ATG4A: variants seen among roughly 807,000 people sequenced by gnomAD.
The protein encoded by ATG4A is cysteine protease ATG4A.
Under a neutral mutation model 38.4 loss-of-function variants are expected in ATG4A, and 22 were observed. That is an observed-to-expected ratio of 0.57 (90% CI 0.41 to 0.82). The LOEUF is 0.82. ATG4A is among the 40% of genes least tolerant of loss of function. The pLI, the probability that ATG4A is intolerant of heterozygous loss-of-function variation, is 0.00. For synonymous variants in ATG4A, 86 were observed against 100.7 expected, an observed-to-expected ratio of 0.85 and a Z score of 0.88; for missense variants, 220 against 290.0, an observed-to-expected ratio of 0.76 and a Z score of 1.75.
intron 1 of ATG4A, among the ~76,000 whole-genome samples, chrX:108,117,400 A>G (rs2032538441): frequency 8.9e-6 from 1 of 112,133 alleles, no homozygotes. Flanking sequence ...GATGTTTAGA[A>G]GAAGGAGCAA....
chrX:108,135,834 G>C (rs1470257086), intron 6 of ATG4A, among the ~76,000 whole-genome samples: 2 of 107,630 alleles, frequency 1.9e-5, no homozygotes, highest in Non-Finnish European at 3.8e-5. Context: ...GCCCAGGCTG[G>C]AGTGCAGTGG....
At chrX:108,152,011 G>T in intron 11 of ATG4A, 153 bp downstream of exon 11, 1 of 531,640 alleles carries the variant, frequency 1.9e-6, no homozygotes. Flanking sequence ...ATCAGGTGTG[G>T]GGAATTGTGC....
rs1442967360 is a variant in ATG4A, at chrX:108,153,950, TGAG to T, written c.*245_*247del. On this transcript the variant is annotated 3_prime_UTR_variant, in exon 13 of 13. Transcript: ENST00000372232. Reference sequence around the variant, plus strand: ...ATCATGGAGCCTAGGAGCAGAGAGATGAGGAGGAGTTCATTGCTTCCCAGCTTG... The same window carrying T: ...ATCATGGAGCCTAGGAGCAGAGAGATGAGGAGTTCATTGCTTCCCAGCTTG... 2 of 290,727 alleles carry T rather than the reference TGAG, an allele frequency of 6.9e-6. No homozygotes were observed. Among genetic ancestry groups the T allele is most frequent in the Non-Finnish European group, 1.2e-5 (2 of 167,509 alleles). 24.0% of individuals were successfully genotyped at this position (290,727 alleles called of 1,213,427 possible).
intron 1 of ATG4A, among the ~76,000 whole-genome samples, chrX:108,102,416 A>AT (rs199837071): frequency 0.033 from 3,673 of 111,346 alleles, 143 homozygotes; most frequent in African/African-American, 0.11. Flanking sequence ...ATTTGGTGAG[A>AT]TTTTTTGTTA....
intron 1 of ATG4A, among the ~76,000 whole-genome samples, chrX:108,101,479 T>G (rs1333195153): frequency 1.8e-5 from 2 of 108,593 alleles, no homozygotes; most frequent in Non-Finnish European, 3.8e-5. Context: ...GAAATTAGAT[T>G]ATTAATTTCA....
intron 1 of ATG4A, among the ~76,000 whole-genome samples, chrX:108,120,247 T>C (rs1345002038): frequency 2.7e-5 from 3 of 112,460 alleles, no homozygotes; most frequent in Admixed American, 9.4e-5. Context: ...CGGCATCCTC[T>C]GAGCAGCACC....
chrX:108,099,481 A>G (rs2031934622), intron 1 of ATG4A, among the ~76,000 whole-genome samples: 1 of 111,674 alleles, frequency 9.0e-6, no homozygotes, highest in Non-Finnish European at 1.9e-5. Context: ...CCACAGAGAA[A>G]GAGCTTTTAA....
chrX:108,148,517 T>TACAC lies in ATG4A; in HGVS notation c.815-1608_815-1605dup, dbSNP rs368317060. Among the ~76,000 whole-genome samples the TACAC allele has an allele frequency of 2.6e-3, 251 of 94,938 alleles. 2 individuals are homozygous for TACAC. The highest frequency in any genetic ancestry group is 7.0e-3 in the African/African-American group (180 of 25,791). The allele number at this position is 94,938 out of a possible 115,157, so 82.4% of individuals were successfully genotyped here. A position where few individuals can be genotyped will look rare whatever the true frequency, so the allele number is the denominator to read the frequency against. On this transcript the variant is annotated intron_variant, in intron 9 of 12. Coordinates refer to ENST00000372232, the MANE Select transcript of ATG4A (RefSeq NM_052936.5). ...CTTGTAAAGCTCCACTCCATGCACA[T>TACAC]ACACACACACACACACACACACACA...
chrX:108,128,359 C>A (rs986112462), intron 2 of ATG4A, among the ~76,000 whole-genome samples: 2 of 111,215 alleles, frequency 1.8e-5, no homozygotes, highest in African/African-American at 6.5e-5. Flanking sequence ...GTCGCTGGGC[C>A]CAGCCAAACC....
intron 1 of ATG4A, among the ~76,000 whole-genome samples, chrX:108,115,094 T>TATGTGTGC (rs11270991): frequency 2.7e-4 from 29 of 106,650 alleles, no homozygotes; most frequent in African/African-American, 1.0e-3. Flanking sequence ...ATTTGATGTG[T>TATGTGTGC]ATGTGTGCAT....
At chrX:108,101,295 GT>G (rs2032005535) in intron 1 of ATG4A, among the ~76,000 whole-genome samples, 1 of 109,324 alleles carries the variant, frequency 9.1e-6, no homozygotes, top group South Asian at 3.8e-4. Context: ...TTATTTGTCA[GT>G]TTTGCTTAAG....
intron 2 of ATG4A, chrX:108,126,898 G>GGATGTCTCCTCAGAA: frequency 1.9e-6 from 1 of 528,589 alleles, no homozygotes; most frequent in Non-Finnish European, 2.9e-6. Context: ...TTTCTGAGGA[G>GGATGTCTCCTCAGAA]ACATCCTCTT....
chrX:108,128,352 G>A (rs1024598061), intron 2 of ATG4A, among the ~76,000 whole-genome samples: 3 of 111,198 alleles, frequency 2.7e-5, no homozygotes, highest in Non-Finnish European at 5.7e-5. Context: ...GGTGTGAGTC[G>A]CTGGGCCCAG....
chrX:108,150,426 G>A, intron 10 of ATG4A, 129 bp downstream of exon 10: 1 of 902,617 alleles, frequency 1.1e-6, no homozygotes, highest in Non-Finnish European at 1.6e-6. Context: ...AGGCAGTAGA[G>A]TGTAGTGGGG....
At chrX:108,140,866 A>G (rs2033227585) in intron 9 of ATG4A, among the ~76,000 whole-genome samples, 1 of 97,431 alleles carries the variant, frequency 1.0e-5, no homozygotes, top group African/African-American at 3.7e-5. Flanking sequence ...CATTTTATAT[A>G]TATAATGTAT....
intron 1 of ATG4A, among the ~76,000 whole-genome samples, chrX:108,102,480 C>T (rs2032042867): frequency 8.9e-6 from 1 of 111,912 alleles, no homozygotes; most frequent in Non-Finnish European, 1.9e-5. Flanking sequence ...CAAATATTTT[C>T]TCCCATTCTG....
intron 1 of ATG4A, among the ~76,000 whole-genome samples, chrX:108,109,710 C>CA (rs779017327): frequency 2.7e-5 from 3 of 112,060 alleles, no homozygotes; most frequent in Admixed American, 9.4e-5. Flanking sequence ...CCATTGTCCC[C>CA]AAAATCATTT....
intron 1 of ATG4A, among the ~76,000 whole-genome samples, chrX:108,106,268 C>G (rs2147968081): frequency 9.0e-6 from 1 of 111,010 alleles, no homozygotes; most frequent in Admixed American, 9.6e-5. Context: ...TAGTTTGATT[C>G]CGTTGTAGTT....
chrX:108,094,411 C>CT (rs1251192953), intron 1 of ATG4A, among the ~76,000 whole-genome samples: 11 of 106,184 alleles, frequency 1.0e-4, no homozygotes, highest in African/African-American at 2.4e-4. Flanking sequence ...ATACCCCATG[C>CT]TTTTTTTTTT....
Sources: gnomAD v4.1 joint callset for allele counts (sites outside exome capture counted in the v4.1 genomes callset) on GRCh38, gnomAD v4.1.1 for gene constraint, MANE v1.5 for transcripts, NCBI Gene and HGNC (gene_info 2026-07-23, HGNC 2026-07-21) for gene names.